Variants in UNC5D observed in about 807,000 individuals in gnomAD.
UNC5D encodes the protein unc-5 netrin receptor D, also known as netrin receptor UNC5D.
In UNC5D, 39 loss-of-function variants were observed where a neutral mutation model predicts 105.4. The observed-to-expected ratio is 0.37, with a 90% CI of 0.29 to 0.48. The LOEUF is 0.48. Ranked by LOEUF, UNC5D falls within the 20% of genes least tolerant of loss-of-function variation. The pLI is 0.98. For missense variants in UNC5D, 991 were observed against 1,202.4 expected, an observed-to-expected ratio of 0.82 and a Z score of 2.60; for synonymous variants, 452 against 450.4, an observed-to-expected ratio of 1.00 and a Z score of -0.04.
At position 35,746,094 on chromosome 8, in the gene UNC5D, G is replaced by C. The variant is rs186533006; in HGVS notation, c.1767-2433G>C. On this transcript the variant is annotated intron_variant, in intron 11 of 16. Coordinates refer to ENST00000404895, the MANE Select transcript of UNC5D (RefSeq NM_080872.4). ...GACTATATTGTAACCCCCTTCCCCA[G>C]TCTTTCCCTGGGATGTCATAAGATC... Among the ~76,000 whole-genome samples the C allele has an allele frequency of 1.3e-3, 197 of 151,920 alleles. 1 individual carries two copies. Among genetic ancestry groups the C allele is most frequent in the Non-Finnish European group, 2.0e-3 (138 of 67,982 alleles).
chr8:35,581,599 A>G (rs961875532), intron 3 of UNC5D, among the ~76,000 whole-genome samples: 2 of 152,200 alleles, frequency 1.3e-5, no homozygotes, highest in African/African-American at 4.8e-5. Flanking sequence ...TAACTAAAAG[A>G]ATGGAATTGG....
intron 1 of UNC5D, among the ~76,000 whole-genome samples, chr8:35,297,627 G>C (rs1325770271): frequency 6.6e-6 from 1 of 152,134 alleles, no homozygotes; most frequent in African/African-American, 2.4e-5. Flanking sequence ...TTTGCTACCT[G>C]TAATCTGAAT....
Position 35,397,326 on chromosome 8 carries a change from A to T in UNC5D, c.104-151966A>T, listed in dbSNP as rs549463297. ...CACAAGCTGTAGTGTTTGTACAAAC[A>T]GTTCAGGCAGAGTGAGCCATGCTTA... On this transcript the variant is annotated intron_variant, in intron 1 of 16. Transcript: ENST00000404895. 3.9e-5 allele frequency among the ~76,000 whole-genome samples: 6 copies of T among 152,350 alleles called. No individual in the cohort carries two copies. In the East Asian group the frequency reaches 7.7e-4, roughly 20 times the overall value.
At chr8:35,537,568 G>T (rs1706225805) in intron 1 of UNC5D, among the ~76,000 whole-genome samples, 1 of 152,006 alleles carries the variant, frequency 6.6e-6, no homozygotes, top group Non-Finnish European at 1.5e-5. Flanking sequence ...GTAGTACCAG[G>T]TACTAAGGAG....
At chr8:35,688,535 A>C (rs1441999042) in intron 7 of UNC5D, among the ~76,000 whole-genome samples, 1 of 152,212 alleles carries the variant, frequency 6.6e-6, no homozygotes, top group African/African-American at 2.4e-5. Flanking sequence ...CCCTGCATGC[A>C]TCAGATACAA....
chr8:35,467,349 G>C (rs1350938487), intron 1 of UNC5D, among the ~76,000 whole-genome samples: 1 of 152,068 alleles, frequency 6.6e-6, no homozygotes, highest in African/African-American at 2.4e-5. Flanking sequence ...TGAGGAAGTG[G>C]GAAGTGTGTG....
Position 35,492,608 on chromosome 8 carries a change from T to C in UNC5D, c.104-56684T>C, listed in dbSNP as rs543430341. Among the ~76,000 whole-genome samples, 55 of 152,050 alleles carry C rather than the reference T, an allele frequency of 3.6e-4. No individual in the cohort carries two copies. In the East Asian group the frequency reaches 8.9e-3, roughly 25 times the overall value. ...ACAGGATAAAAAACATGTAAATTTA[T>C]TAAAGTAAATATAAGCACAGGAGCC... is the stretch of plus-strand genomic sequence containing the variant. On this transcript the variant is annotated intron_variant, in intron 1 of 16. Transcript: ENST00000404895.
At chr8:35,262,675 T>C (rs1162048756) in intron 1 of UNC5D, among the ~76,000 whole-genome samples, 2 of 152,194 alleles carry the variant, frequency 1.3e-5, no homozygotes, top group African/African-American at 4.8e-5. Flanking sequence ...CCAGCTCCAT[T>C]ACAACCAAAA....
At position 35,791,008 on chromosome 8, in the gene UNC5D, A is replaced by G. The variant is rs563647721; in HGVS notation, c.*445A>G. The stretch of plus-strand genomic sequence containing the variant: ...ACTGGCATCTGTGATGTCAGAGATC[A>G]TTGTAAAAATGGCTTTTAGACGTGA... On this transcript the variant is annotated 3_prime_UTR_variant, in exon 17 of 17. Coordinates refer to ENST00000404895, the MANE Select transcript of UNC5D (RefSeq NM_080872.4). 5 of 183,762 alleles carry G rather than the reference A, an allele frequency of 2.7e-5. No individual in the cohort carries two copies. Among genetic ancestry groups the G allele is most frequent in the African/African-American group, 9.4e-5 (4 of 42,550 alleles). 11.4% of individuals were successfully genotyped at this position (183,762 alleles called of 1,614,324 possible).
chr8:35,237,046 T>A (rs940424095), intron 1 of UNC5D, among the ~76,000 whole-genome samples: 4 of 152,130 alleles, frequency 2.6e-5, no homozygotes, highest in African/African-American at 4.8e-5. Flanking sequence ...CAATGTTATC[T>A]CATTTTTATA....
intron 1 of UNC5D, among the ~76,000 whole-genome samples, chr8:35,474,412 T>C (rs1268469449): frequency 6.6e-6 from 1 of 152,138 alleles, no homozygotes; most frequent in African/African-American, 2.4e-5. Flanking sequence ...CCACCCAAAA[T>C]AGAGATAGCG....
intron 1 of UNC5D, among the ~76,000 whole-genome samples, chr8:35,466,128 C>A (rs1479893325): frequency 3.3e-5 from 5 of 152,136 alleles, no homozygotes; most frequent in African/African-American, 1.2e-4. Context: ...TTTGTTACAG[C>A]AGCAGGATGA....
chr8:35,750,203 T>A (rs576525141), intron 12 of UNC5D, among the ~76,000 whole-genome samples: 1 of 152,096 alleles, frequency 6.6e-6, no homozygotes. Flanking sequence ...AGTGGATGGA[T>A]CTCCGCCTAC....
intron 16 of UNC5D, among the ~76,000 whole-genome samples, chr8:35,783,225 G>A (rs953898550): frequency 2.0e-5 from 3 of 152,010 alleles, no homozygotes; most frequent in African/African-American, 7.2e-5. Context: ...CTGCCCTCAC[G>A]TCACAGGTAC....
chr8:35,789,895 AACAC>A (rs56702865), intron 16 of UNC5D, among the ~76,000 whole-genome samples: 1,481 of 142,746 alleles, frequency 0.01, 26 homozygotes, highest in African/African-American at 0.032. Flanking sequence ...TCAAGAAGAA[AACAC>A]ACACACACAC....
chr8:35,625,319 G>T (rs183036010), intron 4 of UNC5D, among the ~76,000 whole-genome samples: 78 of 152,240 alleles, frequency 5.1e-4, no homozygotes, highest in African/African-American at 1.8e-3. Flanking sequence ...GTTCCCCCTC[G>T]ATGTTCTGGT....
At position 35,735,241 on chromosome 8, in the gene UNC5D, G is replaced by A. The variant is rs191762308; in HGVS notation, c.1766+4145G>A. 2.1e-3 allele frequency among the ~76,000 whole-genome samples: 199 copies of A among 95,996 alleles called. 2 individuals carry two copies. In the Middle Eastern group the frequency reaches 0.025, roughly 12 times the overall value. The allele number at this position is 95,996 out of a possible 152,430, so 63.0% of individuals were successfully genotyped here. A position where few individuals can be genotyped will look rare whatever the true frequency, so the allele number is the denominator to read the frequency against. Reference sequence around the variant, plus strand: ...TCTCCCAGCTCTCCTTTTGCACCCCGCCCCCGACCCCATGGTTGGAGAGGA... The same window carrying A: ...TCTCCCAGCTCTCCTTTTGCACCCCACCCCCGACCCCATGGTTGGAGAGGA... On this transcript the variant is annotated intron_variant, in intron 11 of 16. Coordinates refer to ENST00000404895, the MANE Select transcript of UNC5D (RefSeq NM_080872.4).
chr8:35,442,889 C>T (rs567291163), intron 1 of UNC5D, among the ~76,000 whole-genome samples: 2 of 132,130 alleles, frequency 1.5e-5, no homozygotes, highest in South Asian at 4.7e-4. Context: ...CTCTGTTTCT[C>T]TCTCTCTCTC....
At chr8:35,422,810 G>A (rs1369527640) in intron 1 of UNC5D, among the ~76,000 whole-genome samples, 2 of 152,060 alleles carry the variant, frequency 1.3e-5, no homozygotes, top group Non-Finnish European at 2.9e-5. Context: ...TCTCCCTTTT[G>A]GAAAAAGGGG....
Sources: gnomAD v4.1 joint callset for allele counts (sites outside exome capture counted in the v4.1 genomes callset) on GRCh38, gnomAD v4.1.1 for gene constraint, MANE v1.5 for transcripts, NCBI Gene and HGNC (gene_info 2026-07-23, HGNC 2026-07-21) for gene names.